EYS: variants seen among roughly 807,000 people sequenced by gnomAD.
EYS encodes protein eyes shut homolog.
Under a neutral mutation model 282.1 loss-of-function variants are expected in EYS, and 250 were observed. The ratio of observed to expected loss-of-function variants is 0.89; its 90% CI spans 0.80 to 0.98. The LOEUF is 0.98. EYS is among the 50% of genes least tolerant of loss of function. EYS has a pLI of 0.00. For missense variants in EYS, 4,016 were observed against 3,709.0 expected, an observed-to-expected ratio of 1.08 and a Z score of -2.15; for synonymous variants, 1,355 against 1,282.9, an observed-to-expected ratio of 1.06 and a Z score of -1.20.
chr6:63,984,330 T>G, intron 35 of EYS, 53 bp downstream of exon 35: 3 of 1,298,992 alleles, frequency 2.3e-6, no homozygotes, highest in East Asian at 2.5e-5. Context: ...TTTGTTGTTT[T>G]AAGAATTTGG....
At chr6:65,239,143 T>C (rs1766996454) in intron 12 of EYS, among the ~76,000 whole-genome samples, 1 of 152,012 alleles carries the variant, frequency 6.6e-6, no homozygotes, top group Admixed American at 6.6e-5. Context: ...GTCTGCAGAA[T>C]GAAAAACTCA....
Position 64,907,220 on chromosome 6 carries a change from A to AT in EYS, c.2642-4721dup, listed in dbSNP as rs967567014. 4.6e-5 allele frequency among the ~76,000 whole-genome samples: 7 copies of AT among 151,782 alleles called. No individual in the cohort carries two copies. The South Asian group carries it at 1.5e-3, about 32-fold the overall frequency. On this transcript the variant is annotated intron_variant, in intron 16 of 42. Coordinates refer to ENST00000503581, the MANE Select transcript of EYS (RefSeq NM_001142800.2). ...AGGCATGAACCACCACGCACTGCTA[A>AT]TTTTTTTTAAATTTTTTTGTAGAGA...
At chr6:64,766,460 T>C (rs1386850633) in intron 22 of EYS, among the ~76,000 whole-genome samples, 1 of 147,974 alleles carries the variant, frequency 6.8e-6, no homozygotes, top group East Asian at 2.1e-4. Context: ...GGTGAAACTC[T>C]GTCTGTACTA....
chr6:65,499,099 A>G (rs1266911847), intron 2 of EYS, among the ~76,000 whole-genome samples: 1 of 152,068 alleles, frequency 6.6e-6, no homozygotes, highest in Admixed American at 6.6e-5. Flanking sequence ...GTGTAATTTC[A>G]GAACTGTATG....
chr6:65,169,766 A>G (rs943678610), intron 12 of EYS, among the ~76,000 whole-genome samples: 12 of 151,542 alleles, frequency 7.9e-5, no homozygotes, highest in East Asian at 2.0e-4. Context: ...AATGATCCTC[A>G]AATTTTGAGT....
chr6:65,327,702 A>T (rs1226992628), intron 11 of EYS, among the ~76,000 whole-genome samples: 1 of 151,592 alleles, frequency 6.6e-6, no homozygotes, highest in Admixed American at 6.6e-5. Flanking sequence ...TAAAAAGTAT[A>T]AGAGACCACT....
At chr6:64,768,797 T>C (rs1773432894) in intron 22 of EYS, among the ~76,000 whole-genome samples, 1 of 152,110 alleles carries the variant, frequency 6.6e-6, no homozygotes, top group African/African-American at 2.4e-5. Context: ...GATCATCCCT[T>C]ATCACAAAAA....
chr6:63,916,599 T>A (rs116094084), intron 35 of EYS, among the ~76,000 whole-genome samples: 2,155 of 152,284 alleles, frequency 0.014, 46 homozygotes, highest in African/African-American at 0.048. Context: ...AGAGTTTTTT[T>A]AAAAATATAT....
At chr6:64,977,139 C>T (rs1489673382) in intron 14 of EYS, among the ~76,000 whole-genome samples, 2 of 151,884 alleles carry the variant, frequency 1.3e-5, no homozygotes, top group African/African-American at 4.8e-5. Context: ...ATGATCTGCC[C>T]ACCTCAGCCA....
At chr6:63,813,216 G>A (rs1771093363) in intron 36 of EYS, among the ~76,000 whole-genome samples, 6 of 152,160 alleles carry the variant, frequency 3.9e-5, no homozygotes, top group Admixed American at 3.9e-4. Context: ...TTGAGCTCGA[G>A]CGATCTGCCC....
At position 64,688,841 on chromosome 6, in the gene EYS, A is replaced by G. The variant is rs571796835; in HGVS notation, c.3444-62596T>C. Among the ~76,000 whole-genome samples, 3 of 152,238 alleles carry G rather than the reference A, an allele frequency of 2.0e-5. No homozygotes were observed. The East Asian group carries it at 5.8e-4, about 29-fold the overall frequency. The stretch of plus-strand genomic sequence containing the variant: ...CAGTGGGGTGTTAAAATCTCCCATT[A>G]TGACAAACCCACAGCCAATATCATA... On this transcript the variant is annotated intron_variant, in intron 22 of 42. Transcript: ENST00000503581.
intron 30 of EYS, among the ~76,000 whole-genome samples, chr6:64,302,958 T>C (rs951073833): frequency 2.6e-5 from 4 of 152,036 alleles, no homozygotes; most frequent in African/African-American, 9.7e-5. Flanking sequence ...AACCATACCA[T>C]GGCATGGCTA....
At chr6:64,505,595 G>A (rs758543951) in intron 26 of EYS, among the ~76,000 whole-genome samples, 2 of 152,074 alleles carry the variant, frequency 1.3e-5, no homozygotes, top group African/African-American at 2.4e-5. Flanking sequence ...TCCTTGTTAT[G>A]TCCACTTGTC....
At chr6:64,251,179 C>T (rs567964800) in intron 30 of EYS, among the ~76,000 whole-genome samples, 3 of 152,246 alleles carry the variant, frequency 2.0e-5, no homozygotes, top group East Asian at 1.9e-4. Context: ...AGTCTATTTA[C>T]CATTACTTTT....
At chr6:64,955,392 C>G (rs987128079) in intron 14 of EYS, among the ~76,000 whole-genome samples, 3 of 151,960 alleles carry the variant, frequency 2.0e-5, no homozygotes, top group African/African-American at 7.3e-5. Context: ...GTTAAAACAT[C>G]CATACTATTG....
intron 2 of EYS, among the ~76,000 whole-genome samples, chr6:65,616,782 C>T (rs1201886290): frequency 8.7e-6 from 1 of 115,528 alleles, no homozygotes. Flanking sequence ...GACACTCTGT[C>T]TAAAAAAACA....
chr6:65,278,363 A>ATATATATATATTT (rs1768120830), intron 12 of EYS, among the ~76,000 whole-genome samples: 1 of 42,368 alleles, frequency 2.4e-5, no homozygotes, highest in Non-Finnish European at 7.2e-5. Context: ...TATATAGAAT[A>ATATATATATATTT]TATATTATAT....
At chr6:65,053,252 C>A (rs1370126732) in intron 13 of EYS, among the ~76,000 whole-genome samples, 1 of 151,682 alleles carries the variant, frequency 6.6e-6, no homozygotes, top group Non-Finnish European at 1.5e-5. Context: ...AGGGTAAATT[C>A]TCAGAAAAAC....
chr6:64,652,915 A>C (rs1218035678), intron 22 of EYS, among the ~76,000 whole-genome samples: 2 of 152,194 alleles, frequency 1.3e-5, no homozygotes, highest in Non-Finnish European at 2.9e-5. Flanking sequence ...CATTTTACAT[A>C]CATTCGCACA....
Sources: gnomAD v4.1 joint callset for allele counts (sites outside exome capture counted in the v4.1 genomes callset) on GRCh38, gnomAD v4.1.1 for gene constraint, MANE v1.5 for transcripts, NCBI Gene and HGNC (gene_info 2026-07-23, HGNC 2026-07-21) for gene names.